TSGA10: variants seen among roughly 807,000 people sequenced by gnomAD.
The protein encoded by TSGA10 is testis specific 10, also known as testis-specific gene 10 protein.
In TSGA10, 43 loss-of-function variants were observed where a neutral mutation model predicts 96.6. The observed-to-expected ratio is 0.44, with a 90% CI of 0.35 to 0.57. The LOEUF (loss-of-function observed/expected upper bound fraction) is 0.57, where lower values mean the gene tolerates loss of function less well. Among genes scored for constraint, TSGA10 ranks in the 20% least tolerant of loss-of-function variants. The probability of loss-of-function intolerance (pLI) is 0.01; values close to 1 mark genes in which losing one functional copy is unlikely to be tolerated. For synonymous variants in TSGA10, 229 were observed against 269.9 expected (o/e 0.85, Z 1.48); for missense variants, 703 against 834.4 (o/e 0.84, Z 1.94).
intron 9 of TSGA10, among the ~76,000 whole-genome samples, chr2:99,104,383 C>T (rs2091106952): frequency 6.6e-6 from 1 of 152,114 alleles, no homozygotes; most frequent in African/African-American, 2.4e-5. Flanking sequence ...TATAAATATG[C>T]TGTTTGCAAA....
intron 1 of TSGA10, among the ~76,000 whole-genome samples, chr2:99,129,354 CA>C (rs369473368): frequency 7.8e-4 from 119 of 152,268 alleles, no homozygotes; most frequent in African/African-American, 2.6e-3. Flanking sequence ...TAAAAAGTGT[CA>C]AAAAATTTGT....
intron 17 of TSGA10, among the ~76,000 whole-genome samples, chr2:99,031,273 G>A (rs1418282816): frequency 8.5e-6 from 1 of 117,564 alleles, no homozygotes; most frequent in African/African-American, 3.3e-5. Flanking sequence ...GAAGAAGGTG[G>A]ATACTCATAG....
rs1468060978 is a variant in TSGA10 at position 99,006,542 on chromosome 2, A to G, written c.2073-8321T>C. 6.6e-5 allele frequency among the ~76,000 whole-genome samples: 10 copies of G among 152,370 alleles called. 1 individual carries two copies. In the South Asian group the frequency reaches 1.7e-3, roughly 25 times the overall value. On this transcript the variant is annotated intron_variant, in intron 20 of 20. Coordinates refer to ENST00000393483, the MANE Select transcript of TSGA10 (RefSeq NM_025244.4). ...TTATGCAGCCAAAAGACACATGAAA[A>G]AATGCTCATCATCACTGGCCATCAG...
At chr2:99,047,869 A>C (rs1355633935) in intron 16 of TSGA10, among the ~76,000 whole-genome samples, 1 of 152,252 alleles carries the variant, frequency 6.6e-6, no homozygotes, top group Admixed American at 6.5e-5. Context: ...CAACTTCAGC[A>C]AAGTCTCAGG....
rs1035881011 is a variant in TSGA10 at position 99,078,804 on chromosome 2, G to A, written c.737C>T (p.Thr246Ile). The A allele has an allele frequency of 1.9e-6, 3 of 1,610,202 alleles. No individual in the cohort carries two copies. The highest frequency in any genetic ancestry group is 2.5e-6 in the Non-Finnish European group (3 of 1,179,024). The stretch of plus-strand genomic sequence containing the variant: ...TTCTCGCTGTGCAATATTTTGCCTT[G>A]TAAAGTTATCTATGTATGCAATCAT... Reference protein sequence around the residue: ...MCLDEKIDNFTRQNIAQREEI... With the variant: ...MCLDEKIDNFIRQNIAQREEI... The change falls in exon 12 of 21, where the codon ACA becomes ATA. Residue 246 changes from threonine (T) to isoleucine (I), a missense_variant. By Grantham distance (89) the Thr-to-Ile change is moderately conservative. Coordinates refer to ENST00000393483, the MANE Select transcript of TSGA10 (RefSeq NM_025244.4).
intron 16 of TSGA10, among the ~76,000 whole-genome samples, chr2:99,052,661 C>G (rs1325942461): frequency 1.3e-5 from 2 of 151,912 alleles, no homozygotes; most frequent in East Asian, 3.9e-4. Context: ...TGGCGTGAAC[C>G]CAGGAGGCGG....
At chr2:99,055,411 A>C (rs1318962646) in intron 16 of TSGA10, among the ~76,000 whole-genome samples, 1 of 152,104 alleles carries the variant, frequency 6.6e-6, no homozygotes, top group African/African-American at 2.4e-5. Flanking sequence ...TTTGGGGACA[A>C]TAGTTAATAA....
intron 7 of TSGA10, among the ~76,000 whole-genome samples, chr2:99,107,533 T>TA (rs2091459364): frequency 6.6e-6 from 1 of 152,160 alleles, no homozygotes. Context: ...GCCTGTACCA[T>TA]TTAGTCCAGA....
intron 10 of TSGA10, among the ~76,000 whole-genome samples, chr2:99,089,439 C>A (rs968414038): frequency 6.6e-5 from 10 of 152,220 alleles, no homozygotes; most frequent in Non-Finnish European, 1.0e-4. Context: ...AGTGCAGATG[C>A]AGGCAGGAGG....
intron 16 of TSGA10, among the ~76,000 whole-genome samples, chr2:99,047,569 G>A (rs1027607903): frequency 6.6e-6 from 1 of 152,146 alleles, no homozygotes; most frequent in Non-Finnish European, 1.5e-5. Context: ...TTGATGGGAT[G>A]TATCTCAAAA....
chr2:99,060,343 T>TA (rs200759574), intron 16 of TSGA10, among the ~76,000 whole-genome samples: 1,875 of 152,154 alleles, frequency 0.012, 39 homozygotes, highest in African/African-American at 0.043. Context: ...ATAAGAGCCA[T>TA]AAAAAACCCC....
intron 20 of TSGA10, among the ~76,000 whole-genome samples, chr2:99,009,559 G>A (rs982193648): frequency 5.8e-5 from 7 of 121,428 alleles, no homozygotes; most frequent in East Asian, 2.4e-4. Flanking sequence ...GTGACAGAGC[G>A]AGACCCTGTC....
At chr2:99,071,590 A>G in intron 14 of TSGA10, 116 bp downstream of exon 14, 1 of 949,060 alleles carries the variant, frequency 1.1e-6, no homozygotes, top group Non-Finnish European at 1.5e-6. Flanking sequence ...TTTTTAAAAA[A>G]AAGAAAAGGC....
chr2:99,095,093 C>T (rs187590274), intron 10 of TSGA10, among the ~76,000 whole-genome samples: 3 of 152,200 alleles, frequency 2.0e-5, no homozygotes, highest in South Asian at 2.1e-4. Flanking sequence ...TAATCACATT[C>T]GCAGCAACCT....
intron 20 of TSGA10, among the ~76,000 whole-genome samples, chr2:99,003,717 C>G (rs770675317): frequency 6.6e-6 from 1 of 152,074 alleles, no homozygotes; most frequent in African/African-American, 2.4e-5. Context: ...GGGTAAATAA[C>G]GAGATGAAGG....
At chr2:99,042,685 T>C (rs141844955) in intron 16 of TSGA10, among the ~76,000 whole-genome samples, 244 of 152,096 alleles carry the variant, frequency 1.6e-3, no homozygotes, top group African/African-American at 5.8e-3. Flanking sequence ...CTGAAAGAGG[T>C]ACTGTCTGCA....
At chr2:99,150,847 G>A (rs376071599) in intron 1 of TSGA10, 58 of 1,544,716 alleles carry the variant, frequency 3.8e-5, no homozygotes, top group Non-Finnish European at 4.8e-5. Context: ...CAATTTGTAC[G>A]TATTACCAAA....
chr2:99,121,690 T>C (rs1210257865), intron 2 of TSGA10, among the ~76,000 whole-genome samples: 1 of 152,100 alleles, frequency 6.6e-6, no homozygotes, highest in African/African-American at 2.4e-5. Flanking sequence ...CAGGCCGGTC[T>C]TGAACTCCTG....
intron 1 of TSGA10, among the ~76,000 whole-genome samples, chr2:99,130,828 G>C (rs2093043160): frequency 6.6e-6 from 1 of 152,114 alleles, no homozygotes; most frequent in Non-Finnish European, 1.5e-5. Flanking sequence ...TCTAGTTTCA[G>C]TTTTCTGCAT....
Sources: gnomAD v4.1 joint callset for allele counts (sites outside exome capture counted in the v4.1 genomes callset) on GRCh38, gnomAD v4.1.1 for gene constraint, MANE v1.5 for transcripts, NCBI Gene and HGNC (gene_info 2026-07-23, HGNC 2026-07-21) for gene names.